The following RCAN2 variants were observed in gnomAD, a reference collection of about 807,000 sequenced individuals.
The protein encoded by RCAN2 is regulator of calcineurin 2.
A neutral mutation model predicts 23.6 loss-of-function variants in RCAN2; 9 were observed. The observed-to-expected ratio is 0.38, with a 90% CI of 0.23 to 0.67. The LOEUF (loss-of-function observed/expected upper bound fraction) is 0.67. Among genes scored for constraint, RCAN2 ranks in the 30% least tolerant of loss-of-function variants. RCAN2 has a pLI of 0.51. For synonymous variants in RCAN2, 109 were observed against 115.7 expected (o/e 0.94, Z 0.37); for missense variants, 273 against 302.3 (o/e 0.90, Z 0.72).
chr6:46,373,484 T>G (rs966965862), intron 2 of RCAN2, among the ~76,000 whole-genome samples: 15 of 152,154 alleles, frequency 9.9e-5, no homozygotes, highest in Admixed American at 6.5e-5. Context: ...CTCAAACTCC[T>G]GGGCACAAGT....
At chr6:46,310,352 CTT>C (rs900230221) in intron 2 of RCAN2, among the ~76,000 whole-genome samples, 1 of 152,146 alleles carries the variant, frequency 6.6e-6, no homozygotes, top group East Asian at 1.9e-4. Flanking sequence ...TCAAGGTACT[CTT>C]GAGTTTATTT....
At chr6:46,276,225 A>AAAACAAAACT (rs1194987657) in intron 2 of RCAN2, among the ~76,000 whole-genome samples, 1 of 151,976 alleles carries the variant, frequency 6.6e-6, no homozygotes, top group Non-Finnish European at 1.5e-5. Flanking sequence ...AAAACAAAAC[A>AAAACAAAACT]AAACAAAAAC....
At chr6:46,376,483 C>A (rs987795531) in intron 2 of RCAN2, among the ~76,000 whole-genome samples, 3 of 152,182 alleles carry the variant, frequency 2.0e-5, no homozygotes, top group African/African-American at 7.2e-5. Flanking sequence ...AGTTCGAGAC[C>A]AGCCTGGTCA....
At chr6:46,459,329 C>G (rs548889424) in intron 1 of RCAN2, among the ~76,000 whole-genome samples, 2 of 152,280 alleles carry the variant, frequency 1.3e-5, no homozygotes, top group African/African-American at 4.8e-5. Context: ...CATTATAAAA[C>G]ACTCTTAGAT....
intron 2 of RCAN2, among the ~76,000 whole-genome samples, chr6:46,375,798 T>G (rs1765443797): frequency 6.6e-6 from 1 of 152,206 alleles, no homozygotes; most frequent in South Asian, 2.1e-4. Context: ...CAATAAAACT[T>G]TATTTATAGA....
intron 4 of RCAN2, among the ~76,000 whole-genome samples, chr6:46,245,882 G>A (rs1036563908): frequency 2.5e-4 from 38 of 152,094 alleles, no homozygotes; most frequent in Non-Finnish European, 5.9e-5. Context: ...AATTCACAGT[G>A]CTAAAAATCT....
At chr6:46,395,967 C>A (rs1258946215) in intron 2 of RCAN2, among the ~76,000 whole-genome samples, 2 of 152,172 alleles carry the variant, frequency 1.3e-5, no homozygotes, top group African/African-American at 4.8e-5. Flanking sequence ...TTTAGTTTCA[C>A]AACCCTGCAC....
At chr6:46,345,882 G>T (rs1440109105) in intron 2 of RCAN2, among the ~76,000 whole-genome samples, 3 of 152,020 alleles carry the variant, frequency 2.0e-5, no homozygotes, top group Non-Finnish European at 4.4e-5. Flanking sequence ...TCATAATAAT[G>T]TTATTTGTGT....
chr6:46,365,573 G>C (rs1192596807), intron 2 of RCAN2, among the ~76,000 whole-genome samples: 1 of 152,172 alleles, frequency 6.6e-6, no homozygotes, highest in Non-Finnish European at 1.5e-5. Context: ...GTGCCAAAAA[G>C]TTTGGAGACG....
At chr6:46,379,679 A>G (rs774508356) in intron 2 of RCAN2, among the ~76,000 whole-genome samples, 5 of 152,214 alleles carry the variant, frequency 3.3e-5, no homozygotes, top group African/African-American at 4.8e-5. Context: ...AAATAAAAAT[A>G]CTAAGCTCTC....
At chr6:46,292,974 T>C (rs1228926049) in intron 2 of RCAN2, among the ~76,000 whole-genome samples, 1 of 152,200 alleles carries the variant, frequency 6.6e-6, no homozygotes, top group African/African-American at 2.4e-5. Context: ...ACATGCAGTG[T>C]TTGGTTTTCT....
At position 46,337,894 on chromosome 6, in the gene RCAN2, A is replaced by T. The variant is rs577391464; in HGVS notation, c.226-88998T>A. 2.6e-5 allele frequency among the ~76,000 whole-genome samples: 4 copies of T among 152,296 alleles called. No individual in the cohort carries two copies. The South Asian group carries it at 8.3e-4, about 32-fold the overall frequency. ...AACATGACTGTGGCTGGGCTAGGGA[A>T]TGTGCTGATTTAACATTCTGGTGAA... On this transcript the variant is annotated intron_variant, in intron 2 of 4. Coordinates refer to ENST00000371374, the MANE Select transcript of RCAN2 (RefSeq NM_001251974.2).
At chr6:46,348,833 A>G (rs1436669717) in intron 2 of RCAN2, among the ~76,000 whole-genome samples, 1 of 152,146 alleles carries the variant, frequency 6.6e-6, no homozygotes, top group Non-Finnish European at 1.5e-5. Context: ...CAAGTTTAAA[A>G]TGCATATTAA....
intron 2 of RCAN2, among the ~76,000 whole-genome samples, chr6:46,296,464 A>G (rs1369203909): frequency 1.3e-5 from 2 of 152,096 alleles, no homozygotes; most frequent in African/African-American, 4.8e-5. Flanking sequence ...ATCTGACTTT[A>G]AAGATACCTA....
rs147212644 is a variant in RCAN2, at chr6:46,425,206, T to A, written c.225+31546A>T. 9.6e-3 allele frequency among the ~76,000 whole-genome samples: 1,462 copies of A among 152,296 alleles called. 21 individuals carry two copies. Among genetic ancestry groups the A allele is most frequent in the African/African-American group, 0.034 (1,419 of 41,550 alleles). Reference sequence around the variant, plus strand: ...TTAAAAATTATTGAGGACACCAAAGTTCTTTCATTTATGTGGATTATATCA... The same window carrying A: ...TTAAAAATTATTGAGGACACCAAAGATCTTTCATTTATGTGGATTATATCA... On this transcript the variant is annotated intron_variant, in intron 2 of 4. Coordinates refer to ENST00000371374, the MANE Select transcript of RCAN2 (RefSeq NM_001251974.2).
intron 2 of RCAN2, among the ~76,000 whole-genome samples, chr6:46,291,268 T>G (rs56053380): frequency 1.0e-3 from 142 of 138,898 alleles, no homozygotes; most frequent in African/African-American, 3.6e-3. Flanking sequence ...ATTTAAATGT[T>G]AATTCGCCAG....
chr6:46,257,928 G>A (rs1408887706), intron 2 of RCAN2, among the ~76,000 whole-genome samples: 1 of 152,164 alleles, frequency 6.6e-6, no homozygotes, highest in Non-Finnish European at 1.5e-5. Flanking sequence ...AGCTTTCCTT[G>A]TCAATCCAAA....
chr6:46,224,882 A>G (rs1469122182), intron 4 of RCAN2, among the ~76,000 whole-genome samples: 2 of 151,812 alleles, frequency 1.3e-5, no homozygotes, highest in Non-Finnish European at 2.9e-5. Context: ...TTGGTGTGCT[A>G]CACCTGTTAA....
chr6:46,359,333 G>A (rs1471644358), intron 2 of RCAN2, among the ~76,000 whole-genome samples: 4 of 152,180 alleles, frequency 2.6e-5, no homozygotes, highest in Non-Finnish European at 5.9e-5. Context: ...GACAGTTCCG[G>A]TGTGATACAG....
Sources: allele counts gnomAD v4.1 joint callset (sites outside exome capture counted in the v4.1 genomes callset), GRCh38; gene constraint gnomAD v4.1.1; transcripts MANE v1.5; gene names NCBI Gene and HGNC (gene_info 2026-07-23, HGNC 2026-07-21).